Variants in MAGI2 observed in about 807,000 individuals in gnomAD.
MAGI2 encodes the protein membrane-associated guanylate kinase, WW and PDZ domain-containing protein 2.
In MAGI2, 35 loss-of-function variants were observed where a neutral mutation model predicts 133.3. The observed-to-expected ratio is 0.26, with a 90% CI of 0.20 to 0.35. The LOEUF is 0.35. Ranked by LOEUF, MAGI2 falls within the 10% of genes least tolerant of loss-of-function variation. The pLI is 1.00. For synonymous variants in MAGI2, 729 were observed against 710.6 expected, an observed-to-expected ratio of 1.03 and a Z score of -0.41; for missense variants, 1,636 against 1,863.4, an observed-to-expected ratio of 0.88 and a Z score of 2.25.
chr7:78,439,686 C>G (rs531792526), intron 6 of MAGI2, among the ~76,000 whole-genome samples: 117 of 152,268 alleles, frequency 7.7e-4, no homozygotes, highest in African/African-American at 2.8e-3. Flanking sequence ...GAAATGTAAT[C>G]TCTAATTCTG....
intron 1 of MAGI2, among the ~76,000 whole-genome samples, chr7:79,358,947 G>C (rs1339643069): frequency 3.9e-5 from 6 of 152,078 alleles, no homozygotes; most frequent in Non-Finnish European, 8.8e-5. Flanking sequence ...AAAATGCCAA[G>C]AATACAGTCA....
At chr7:78,716,087 C>A (rs1004461949) in intron 2 of MAGI2, among the ~76,000 whole-genome samples, 1 of 152,142 alleles carries the variant, frequency 6.6e-6, no homozygotes, top group Admixed American at 6.5e-5. Flanking sequence ...AGAAATTGTT[C>A]CTGTGTTTCT....
chr7:78,880,021 A>G (rs1272854516), intron 2 of MAGI2, among the ~76,000 whole-genome samples: 2 of 152,176 alleles, frequency 1.3e-5, no homozygotes, highest in South Asian at 2.1e-4. Context: ...AGACAAAAAT[A>G]GTCAAAAGAA....
intron 1 of MAGI2, among the ~76,000 whole-genome samples, chr7:79,161,401 T>G (rs970910885): frequency 6.6e-6 from 1 of 152,124 alleles, no homozygotes; most frequent in African/African-American, 2.4e-5. Context: ...TAAACTGTAC[T>G]TTTCGATAAC....
chr7:79,022,906 C>A (rs1809487168), intron 1 of MAGI2, among the ~76,000 whole-genome samples: 1 of 152,070 alleles, frequency 6.6e-6, no homozygotes, highest in South Asian at 2.1e-4. Context: ...GGTTCACTGC[C>A]AAATTCTACC....
intron 2 of MAGI2, among the ~76,000 whole-genome samples, chr7:78,719,030 T>A (rs751670586): frequency 8.5e-5 from 13 of 152,310 alleles, no homozygotes; most frequent in Non-Finnish European, 8.8e-5. Context: ...AATAACAGAC[T>A]TGGCATTAGA....
chr7:79,434,615 T>A (rs891290876), intron 1 of MAGI2, among the ~76,000 whole-genome samples: 5 of 152,190 alleles, frequency 3.3e-5, no homozygotes, highest in Non-Finnish European at 5.9e-5. Flanking sequence ...GAACTCTAAA[T>A]ATATTCAGAA....
In MAGI2 at chr7:79,403,546, A is replaced by C. The variant is rs1845610024; in HGVS notation, c.301+49474T>G. 2.0e-5 allele frequency among the ~76,000 whole-genome samples: 3 copies of C among 152,132 alleles called. No homozygotes were observed. The South Asian group carries it at 6.2e-4, about 31-fold the overall frequency. ...TAGGTGCAAAAAAATAACCACAGTCAAAATTTTATGAACTCTTTCCAGAAA... is the reference window on the plus strand; with the variant it reads ...TAGGTGCAAAAAAATAACCACAGTCCAAATTTTATGAACTCTTTCCAGAAA... On this transcript the variant is annotated intron_variant, in intron 1 of 21. Coordinates refer to ENST00000354212, the MANE Select transcript of MAGI2 (RefSeq NM_012301.4).
chr7:78,792,281 T>C (rs1462598779), intron 2 of MAGI2, among the ~76,000 whole-genome samples: 1 of 152,162 alleles, frequency 6.6e-6, no homozygotes, highest in African/African-American at 2.4e-5. Flanking sequence ...ACTTAGGAAA[T>C]GTTTGTTGTC....
At chr7:78,145,761 A>C (rs144486148) in intron 16 of MAGI2, among the ~76,000 whole-genome samples, 131 of 152,308 alleles carry the variant, frequency 8.6e-4, no homozygotes, top group African/African-American at 2.9e-3. Context: ...CCACTATAAC[A>C]GCACAAAGTG....
chr7:78,171,145 C>T (rs1300923634), intron 14 of MAGI2, among the ~76,000 whole-genome samples: 4 of 152,180 alleles, frequency 2.6e-5, no homozygotes, highest in African/African-American at 9.7e-5. Flanking sequence ...TCTCTCTATT[C>T]TGAGAAAAAA....
intron 2 of MAGI2, among the ~76,000 whole-genome samples, chr7:78,894,656 T>C (rs1797061441): frequency 6.6e-6 from 1 of 152,094 alleles, no homozygotes; most frequent in South Asian, 2.1e-4. Context: ...AAATTTAAGA[T>C]TAAAAATAGA....
At position 79,358,058 on chromosome 7, in the gene MAGI2, T is replaced by C. The variant is rs564721960; in HGVS notation, c.301+94962A>G. On this transcript the variant is annotated intron_variant, in intron 1 of 21. Coordinates refer to ENST00000354212, the MANE Select transcript of MAGI2 (RefSeq NM_012301.4). ...TATTTAAGTGTTTGAAATCAACATA[T>C]TAATATTTAAAAGAAATGTATTATT... Among the ~76,000 whole-genome samples the C allele has an allele frequency of 3.9e-5, 6 of 152,080 alleles. No homozygotes were observed. In the South Asian group the frequency reaches 8.3e-4, roughly 21 times the overall value.
intron 2 of MAGI2, among the ~76,000 whole-genome samples, chr7:78,991,189 C>G: frequency 6.6e-6 from 1 of 151,968 alleles, no homozygotes; most frequent in East Asian, 1.9e-4. Context: ...TGCCTTCCAC[C>G]GTGATTGTAA....
chr7:78,409,135 G>C (rs1797642708), intron 6 of MAGI2, among the ~76,000 whole-genome samples: 1 of 151,982 alleles, frequency 6.6e-6, no homozygotes, highest in Non-Finnish European at 1.5e-5. Context: ...CTATCACAAT[G>C]CTTTTTCATG....
At chr7:78,401,666 T>C (rs13239395) in intron 6 of MAGI2, among the ~76,000 whole-genome samples, 24,020 of 152,180 alleles carry the variant, frequency 0.16, 2,474 homozygotes, top group South Asian at 0.24. Context: ...CATGTGCTTA[T>C]AGTTCCTTCT....
intron 2 of MAGI2, among the ~76,000 whole-genome samples, chr7:78,724,629 G>T (rs933257838): frequency 6.6e-6 from 1 of 152,168 alleles, no homozygotes. Context: ...GAGAAGAAAG[G>T]TTGCCTGCTC....
Position 78,941,431 on chromosome 7 carries a change from C to A in MAGI2, c.418+65659G>T, listed in dbSNP as rs530500298. Among the ~76,000 whole-genome samples, 15 of 152,242 alleles carry A rather than the reference C, an allele frequency of 9.9e-5. No individual in the cohort carries two copies. The South Asian group carries it at 3.1e-3, about 31-fold the overall frequency. ...ATGGTGCAATCTCGGCTCACTGCAA[C>A]CTCCCCCTCTCAGGTTCAAGTGATT... On this transcript the variant is annotated intron_variant, in intron 2 of 21. Transcript: ENST00000354212.
chr7:79,324,466 CGTTGTGTGTGTATATATA>C (rs1839454214), intron 1 of MAGI2, among the ~76,000 whole-genome samples: 1 of 73,960 alleles, frequency 1.4e-5, no homozygotes, highest in African/African-American at 4.5e-5. Context: ...TAGATAGATA[CGTTGTGTGTGTATATATA>C]CATATATATA....
Sources: gnomAD v4.1 joint callset for allele counts (sites outside exome capture counted in the v4.1 genomes callset) on GRCh38, gnomAD v4.1.1 for gene constraint, MANE v1.5 for transcripts, NCBI Gene and HGNC (gene_info 2026-07-23, HGNC 2026-07-21) for gene names.